The following DLG2 variants were observed in gnomAD, a reference collection of about 807,000 sequenced individuals.
DLG2 encodes discs large MAGUK scaffold protein 2, also known as disks large homolog 2.
DLG2 carries 45 observed loss-of-function variants against 132.5 expected under a neutral mutation model. That is an observed-to-expected ratio of 0.34 (90% CI 0.27 to 0.44). The LOEUF (loss-of-function observed/expected upper bound fraction) is 0.44. DLG2 is among the 20% of genes least tolerant of loss of function. The probability of loss-of-function intolerance (pLI) is 1.00; values close to 1 mark genes in which losing one functional copy is unlikely to be tolerated. For missense variants in DLG2, 1,045 were observed against 1,196.9 expected, an observed-to-expected ratio of 0.87 and a Z score of 1.87; for synonymous variants, 424 against 419.6, an observed-to-expected ratio of 1.01 and a Z score of -0.13.
chr11:83,983,017 G>A (rs950891811), intron 11 of DLG2, among the ~76,000 whole-genome samples: 3 of 152,000 alleles, frequency 2.0e-5, no homozygotes, highest in Non-Finnish European at 4.4e-5. Context: ...TGCTAAGTAC[G>A]CTCTATTATG....
chr11:84,798,148 T>C (rs773154372), intron 6 of DLG2, among the ~76,000 whole-genome samples: 23 of 152,136 alleles, frequency 1.5e-4, no homozygotes, highest in Non-Finnish European at 3.1e-4. Flanking sequence ...CTGTACCTTG[T>C]CCAAGACCAC....
At position 85,286,015 on chromosome 11, in the gene DLG2, G is replaced by C. The variant is rs114578888; in HGVS notation, c.41-650C>G. ...TCAGAGGATCCCAAGATGAAATGCA[G>C]ACTGTTACAAAGGAATGTAACTGTA... On this transcript the variant is annotated intron_variant, in intron 3 of 27. Transcript: ENST00000376104. 1,081 of 364,954 alleles carry C rather than the reference G, an allele frequency of 3.0e-3. 12 individuals are homozygous for C. The highest frequency in any genetic ancestry group is 0.022 in the African/African-American group (985 of 45,012). The allele number at this position is 364,954 out of a possible 1,614,324, so 22.6% of individuals were successfully genotyped here. A position where few individuals can be genotyped will look rare whatever the true frequency, so the allele number is the denominator to read the frequency against.
chr11:83,575,925 A>G (rs559542740), intron 19 of DLG2, among the ~76,000 whole-genome samples: 3 of 152,314 alleles, frequency 2.0e-5, no homozygotes, highest in East Asian at 3.9e-4. Flanking sequence ...ATGACTGACA[A>G]TGGGAGAAAA....
At chr11:84,900,405 T>C (rs1398955573) in intron 6 of DLG2, among the ~76,000 whole-genome samples, 2 of 152,068 alleles carry the variant, frequency 1.3e-5, no homozygotes, top group South Asian at 2.1e-4. Flanking sequence ...GCACTGGGAA[T>C]ACAATCGCAA....
intron 7 of DLG2, among the ~76,000 whole-genome samples, chr11:84,268,262 T>C (rs765131000): frequency 6.6e-6 from 1 of 152,172 alleles, no homozygotes; most frequent in Non-Finnish European, 1.5e-5. Flanking sequence ...CACTCTTCCC[T>C]TGCTGCATTT....
At chr11:85,223,441 C>G (rs1051908693) in intron 4 of DLG2, among the ~76,000 whole-genome samples, 1 of 151,946 alleles carries the variant, frequency 6.6e-6, no homozygotes. Flanking sequence ...TCCAGACAAG[C>G]CTGGGAAACA....
intron 11 of DLG2, among the ~76,000 whole-genome samples, chr11:84,001,279 G>C (rs1338913614): frequency 6.7e-6 from 1 of 149,468 alleles, no homozygotes; most frequent in Non-Finnish European, 1.5e-5. Flanking sequence ...AACCAAAAGT[G>C]AGTAAGAGTA....
At chr11:84,812,894 C>T (rs1694978199) in intron 6 of DLG2, among the ~76,000 whole-genome samples, 1 of 152,022 alleles carries the variant, frequency 6.6e-6, no homozygotes, top group South Asian at 2.1e-4. Flanking sequence ...ATGCAATTGT[C>T]GTTTTCATTG....
chr11:83,892,001 T>A (rs1055193945), intron 15 of DLG2, among the ~76,000 whole-genome samples: 3 of 152,170 alleles, frequency 2.0e-5, no homozygotes, highest in Non-Finnish European at 2.9e-5. Flanking sequence ...GTGGTCACTG[T>A]AGAGTTATCA....
Position 83,946,771 on chromosome 11 carries a change from T to G in DLG2, c.1340+16114A>C, listed in dbSNP as rs755254847. Among the ~76,000 whole-genome samples, 61 of 152,192 alleles carry G rather than the reference T, an allele frequency of 4.0e-4. 1 individual carries two copies. The highest frequency in any genetic ancestry group is 5.1e-4 in the Non-Finnish European group (35 of 68,024). The stretch of plus-strand genomic sequence containing the variant: ...CACATACACATAATTTTTAAAAAAT[T>G]TTTGTTAGCAGAATTTAAACAAATA... On this transcript the variant is annotated intron_variant, in intron 14 of 27. Coordinates refer to ENST00000376104, the MANE Select transcript of DLG2 (RefSeq NM_001142699.3).
chr11:85,403,611 C>G (rs894756732), intron 3 of DLG2, among the ~76,000 whole-genome samples: 2 of 151,942 alleles, frequency 1.3e-5, no homozygotes, highest in Non-Finnish European at 2.9e-5. Context: ...GTTGCATATG[C>G]CTAGAGTCTA....
At chr11:85,439,628 G>A (rs550895490) in intron 3 of DLG2, among the ~76,000 whole-genome samples, 83 of 152,188 alleles carry the variant, frequency 5.5e-4, no homozygotes, top group African/African-American at 1.8e-3. Flanking sequence ...CAAAGTGCTG[G>A]AATTACAGGT....
chr11:84,960,920 C>G (rs1019821087), intron 6 of DLG2, among the ~76,000 whole-genome samples: 5 of 152,072 alleles, frequency 3.3e-5, no homozygotes, highest in African/African-American at 1.2e-4. Flanking sequence ...CACTGGAGCT[C>G]TGGGCTGATA....
At chr11:83,533,809 T>C (rs188050252) in intron 20 of DLG2, among the ~76,000 whole-genome samples, 1 of 152,298 alleles carries the variant, frequency 6.6e-6, no homozygotes, top group East Asian at 1.9e-4. Context: ...TGAGTTTTTT[T>C]CCTTGGGAAT....
intron 9 of DLG2, among the ~76,000 whole-genome samples, chr11:84,101,446 C>T (rs1371372709): frequency 1.3e-5 from 2 of 152,096 alleles, no homozygotes; most frequent in African/African-American, 4.8e-5. Flanking sequence ...ATTGGTTGAG[C>T]ATTTCGTATG....
At chr11:83,516,357 T>C (rs1438687150) in intron 21 of DLG2, among the ~76,000 whole-genome samples, 1 of 152,212 alleles carries the variant, frequency 6.6e-6, no homozygotes, top group African/African-American at 2.4e-5. Flanking sequence ...CCCCTAGTTT[T>C]TTTGTTTTCC....
chr11:83,897,377 C>T (rs921533760), intron 15 of DLG2, among the ~76,000 whole-genome samples: 3 of 152,160 alleles, frequency 2.0e-5, no homozygotes, highest in Non-Finnish European at 4.4e-5. Context: ...ACACAAACTA[C>T]CCTTAAGGGG....
chr11:84,924,965 G>A (rs1220669725), intron 6 of DLG2, among the ~76,000 whole-genome samples: 1 of 152,144 alleles, frequency 6.6e-6, no homozygotes, highest in Non-Finnish European at 1.5e-5. Flanking sequence ...CAAGGTTATA[G>A]CAGGTCACAT....
intron 6 of DLG2, among the ~76,000 whole-genome samples, chr11:84,934,189 T>G (rs1337211852): frequency 4.6e-5 from 7 of 152,212 alleles, no homozygotes; most frequent in Admixed American, 4.6e-4. Flanking sequence ...GATTTGTGTA[T>G]GTTGAACCAA....
Sources: gnomAD v4.1 joint callset for allele counts (sites outside exome capture counted in the v4.1 genomes callset) on GRCh38, gnomAD v4.1.1 for gene constraint, MANE v1.5 for transcripts, NCBI Gene and HGNC (gene_info 2026-07-23, HGNC 2026-07-21) for gene names.